ZNF454: variants seen among roughly 807,000 people sequenced by gnomAD.
The protein encoded by ZNF454 is zinc finger protein 454.
A neutral mutation model predicts 48.2 loss-of-function variants in ZNF454; 30 were observed. That is an observed-to-expected ratio of 0.62 (90% CI 0.47 to 0.84). ZNF454 has a LOEUF of 0.84. Among genes scored for constraint, ZNF454 ranks in the 40% least tolerant of loss-of-function variants. The pLI is 0.00. For synonymous variants in ZNF454, 204 were observed against 211.4 expected, an observed-to-expected ratio of 0.97 and a Z score of 0.30; for missense variants, 510 against 623.1, an observed-to-expected ratio of 0.82 and a Z score of 1.93.
intron 4 of ZNF454, among the ~76,000 whole-genome samples, chr5:178,954,168 G>C (rs1373509840): frequency 2.0e-5 from 3 of 152,136 alleles, no homozygotes; most frequent in African/African-American, 7.2e-5. Context: ...TGAGGCACAA[G>C]AATCACTTGA....
chr5:178,987,921 A>G, the ZNF454 span, among the ~76,000 whole-genome samples: 1 of 143,862 alleles, frequency 7.0e-6, no homozygotes, highest in African/African-American at 2.6e-5. Context: ...CGCCATGCCC[A>G]GCTAATTTTT....
chr5:178,968,666 C>T (rs948617262), downstream of ZNF454: 1 of 414,582 alleles, frequency 2.4e-6, no homozygotes, highest in African/African-American at 2.0e-5. Flanking sequence ...ACGTTCACTG[C>T]TACAGATGTC....
chr5:178,942,879 T>C, intron 2 of ZNF454, 55 bp downstream of exon 2: 1 of 1,582,182 alleles, frequency 6.3e-7, no homozygotes, highest in Non-Finnish European at 8.6e-7. Flanking sequence ...GAGTGTGGCA[T>C]GTTTGCTTCC....
intron 4 of ZNF454, among the ~76,000 whole-genome samples, chr5:178,949,816 C>T (rs1246223495): frequency 1.3e-5 from 2 of 152,014 alleles, no homozygotes; most frequent in Non-Finnish European, 2.9e-5. Flanking sequence ...GGGGTTTTAC[C>T]ATGTTGGCCA....
intron 1 of ZNF454, chr5:178,942,399 C>CTGT (rs1372485894): frequency 5.9e-6 from 1 of 169,838 alleles, no homozygotes; most frequent in African/African-American, 2.4e-5. Context: ...GAGCGAGACT[C>CTGT]TGTCTCAAAC....
At position 178,941,503 on chromosome 5, in the gene ZNF454, G is replaced by A. The variant is rs1011000921; in HGVS notation, c.-108+59G>A. On this transcript the variant is annotated intron_variant, in intron 1 of 4. Coordinates refer to ENST00000519564, the MANE Select transcript of ZNF454 (RefSeq NM_001178089.3). The surrounding 1 kb of genome is among the most constrained non-coding windows in gnomAD (Gnocchi z 5.5). ...CGGCCAGGGGTGGTCATCCTGGGCT[G>A]AGGGTCGAGTCTGTGAGTGCCTGTG... is the stretch of plus-strand genomic sequence containing the variant. 4 of 456,586 alleles carry A rather than the reference G, an allele frequency of 8.8e-6. No individual in the cohort carries two copies. The highest frequency in any genetic ancestry group is 8.0e-5 in the African/African-American group (4 of 50,088). The allele number at this position is 456,586 out of a possible 1,614,324, so 28.3% of individuals were successfully genotyped here.
chr5:178,967,230 C>T (rs530861935), downstream of ZNF454, among the ~76,000 whole-genome samples: 58 of 152,248 alleles, frequency 3.8e-4, 2 homozygotes, highest in South Asian at 0.012. Flanking sequence ...GCAATGATCC[C>T]ACCCACTTAC....
the ZNF454 span, among the ~76,000 whole-genome samples, chr5:178,974,888 C>T: frequency 6.6e-6 from 1 of 152,162 alleles, no homozygotes; most frequent in African/African-American, 2.4e-5. Flanking sequence ...TGATAGAACC[C>T]AAACCCTTAC....
chr5:178,966,146 C>G lies in ZNF454; in HGVS notation c.*173C>G. The G allele has an allele frequency of 1.7e-6, 1 of 596,332 alleles. No individual in the cohort carries two copies. Among genetic ancestry groups the G allele is most frequent in the Non-Finnish European group, 2.8e-6 (1 of 359,528 alleles). The allele number at this position is 596,332 out of a possible 1,614,324, so 36.9% of individuals were successfully genotyped here. A position where few individuals can be genotyped will look rare whatever the true frequency, so the allele number is the denominator to read the frequency against. ...TTTGGGCATTTAAGAATGGCAAACA[C>G]TCGGCTGGGCACAGTGGCTCACGTC... is the stretch of plus-strand genomic sequence containing the variant. On this transcript the variant is annotated 3_prime_UTR_variant, in exon 5 of 5. Transcript: ENST00000519564.
chr5:178,968,332 A>G (rs1444981312), downstream of ZNF454, among the ~76,000 whole-genome samples: 2 of 152,058 alleles, frequency 1.3e-5, no homozygotes, highest in Non-Finnish European at 2.9e-5. Flanking sequence ...AGAATGGAGC[A>G]CCTCACCCCC....
At chr5:178,967,602 A>G (rs141597648), downstream of ZNF454, among the ~76,000 whole-genome samples, 66 of 152,266 alleles carry the variant, frequency 4.3e-4, 1 homozygote, top group African/African-American at 1.4e-3. Flanking sequence ...ATGTTGAGTA[A>G]TTCCATGAGT....
the ZNF454 span, chr5:178,982,966 T>G: frequency 1.2e-6 from 2 of 1,614,048 alleles, no homozygotes; most frequent in African/African-American, 2.7e-5. Flanking sequence ...AGCCAGATGA[T>G]GCAGGTGGTG....
the ZNF454 span, chr5:178,986,676 C>T: frequency 3.7e-6 from 6 of 1,603,386 alleles, no homozygotes; most frequent in East Asian, 1.1e-4. Flanking sequence ...TCTTCTTCCG[C>T]TCCCCCGGCC....
At chr5:178,952,316 C>T (rs1759592991) in intron 4 of ZNF454, among the ~76,000 whole-genome samples, 3 of 152,170 alleles carry the variant, frequency 2.0e-5, no homozygotes, top group Admixed American at 2.0e-4. Context: ...GGATTACAGG[C>T]GTGAGCCACC....
the ZNF454 span, chr5:178,985,993 C>T: frequency 2.6e-6 from 2 of 766,524 alleles, no homozygotes; most frequent in African/African-American, 1.8e-5. Context: ...AACTCCTGGA[C>T]TCAGGTGATC....
At position 178,946,849 on chromosome 5, in the gene ZNF454, C is replaced by T; in HGVS notation, c.161-48C>T. The T allele has an allele frequency of 6.5e-7, 1 of 1,530,292 alleles. No homozygotes were observed. Among genetic ancestry groups the T allele is most frequent in the South Asian group, 1.1e-5 (1 of 87,280 alleles). 94.8% of individuals were successfully genotyped at this position (1,530,292 alleles called of 1,614,324 possible). On this transcript the variant is annotated intron_variant, in intron 3 of 4. Coordinates refer to ENST00000519564, the MANE Select transcript of ZNF454 (RefSeq NM_001178089.3). This position sits in a 1 kb window ranked among gnomAD's most constrained non-coding sequence, Gnocchi z 4.5. ...GCTTTGTCTTTGCAGTGATTTTTAT[C>T]TCTCGTATAAACAGATGTGGTTCAT...
chr5:178,976,953 C>G, the ZNF454 span, among the ~76,000 whole-genome samples: 2 of 152,134 alleles, frequency 1.3e-5, no homozygotes, highest in African/African-American at 2.4e-5. Flanking sequence ...GGGCCGTGTT[C>G]CCCTAGACTA....
chr5:178,946,398 C>A lies in ZNF454; in HGVS notation c.73C>A (p.Gln25Lys). The A allele has an allele frequency of 6.2e-7, 1 of 1,613,040 alleles. No homozygotes were observed. Among genetic ancestry groups the A allele is most frequent in the Non-Finnish European group, 8.5e-7 (1 of 1,179,612 alleles). ...TFKDVAILFTQEEWGQLSPAQ... is the reference protein window; with the variant it reads ...TFKDVAILFTKEEWGQLSPAQ... ...CAAGGATGTGGCTATACTGTTCACC[C>A]AGGAAGAGTGGGGGCAGCTGAGCCC... The change falls in exon 3 of 5, where the codon CAG (glutamine) becomes AAG (lysine). Residue 25 changes from glutamine (Q) to lysine (K), a missense_variant. Gln to Lys is a moderately conservative substitution (Grantham distance 53). This residue lies in a region of ZNF454 where 354 missense variants were observed against 408.9 expected (regional missense o/e 0.87). Coordinates refer to ENST00000519564, the MANE Select transcript of ZNF454 (RefSeq NM_001178089.3). This position sits in a 1 kb window ranked among gnomAD's most constrained non-coding sequence, Gnocchi z 4.5.
intron 2 of ZNF454, among the ~76,000 whole-genome samples, chr5:178,943,474 G>GC (rs1276318301): frequency 2.0e-5 from 3 of 152,066 alleles, no homozygotes; most frequent in East Asian, 1.9e-4. Flanking sequence ...CTCCCACCAG[G>GC]CCCCCCCTCC....
Sources: allele counts gnomAD v4.1 joint callset (sites outside exome capture counted in the v4.1 genomes callset), GRCh38; gene constraint gnomAD v4.1.1; regional missense constraint gnomAD v4.1.1; non-coding constraint Gnocchi (gnomAD v3.1); transcripts MANE v1.5; gene names NCBI Gene and HGNC (gene_info 2026-07-23, HGNC 2026-07-21).